ABCG1: variants seen among roughly 807,000 people sequenced by gnomAD.
ABCG1 encodes ATP binding cassette subfamily G member 1.
Under a neutral mutation model 69.2 loss-of-function variants are expected in ABCG1, and 29 were observed. The ratio of observed to expected loss-of-function variants is 0.42; its 90% CI spans 0.31 to 0.57. ABCG1 has a LOEUF of 0.57. Among genes scored for constraint, ABCG1 ranks in the 20% least tolerant of loss-of-function variants. The pLI, the probability that ABCG1 is intolerant of heterozygous loss-of-function variation, is 0.15. For missense variants in ABCG1, 718 were observed against 898.1 expected (o/e 0.80, Z 2.56); for synonymous variants, 370 against 374.8 (o/e 0.99, Z 0.15).
chr21:42,279,794 C>T lies in ABCG1; in HGVS notation c.589-2480C>T, dbSNP rs146208225. 2.7e-3 allele frequency among the ~76,000 whole-genome samples: 408 copies of T among 152,288 alleles called. 4 individuals carry two copies. Among genetic ancestry groups the T allele is most frequent in the African/African-American group, 9.3e-3 (386 of 41,554 alleles). ...ACAGCAAGCCAGGCCCTTGGCCTGC[C>T]GGAGCTGGAAGACCCAGAACAAGCT... On this transcript the variant is annotated intron_variant, in intron 5 of 14. Transcript: ENST00000398449.
At chr21:42,243,976 G>A (rs1476737936) in intron 2 of ABCG1, among the ~76,000 whole-genome samples, 1 of 151,726 alleles carries the variant, frequency 6.6e-6, no homozygotes, top group Non-Finnish European at 1.5e-5. Flanking sequence ...CCGCCACCAC[G>A]CCCGGCTAAT....
chr21:42,241,888 G>A (rs1276157515), intron 2 of ABCG1, among the ~76,000 whole-genome samples: 1 of 148,694 alleles, frequency 6.7e-6, no homozygotes, highest in Non-Finnish European at 1.5e-5. Flanking sequence ...TGAGGTGGGA[G>A]GATCACTTGA....
intron 1 of ABCG1, chr21:42,199,946 TA>T (rs2067493568): frequency 1.3e-5 from 2 of 152,244 alleles, no homozygotes; most frequent in Admixed American, 6.5e-5. Context: ...AAGAAAAATG[TA>T]AGCCACATCT....
chr21:42,295,333 T>TAAA lies in ABCG1; in HGVS notation c.1772+715_1772+717dup, dbSNP rs60677287. 8.5e-4 allele frequency: 50 copies of TAAA among 59,016 alleles called. 4 individuals are homozygous for TAAA. The highest frequency in any genetic ancestry group is 1.2e-3 in the Non-Finnish European group (38 of 31,444). The allele number at this position is 59,016 out of a possible 1,614,324, so 3.7% of individuals were successfully genotyped here. A position where few individuals can be genotyped will look rare whatever the true frequency, so the allele number is the denominator to read the frequency against. Reference sequence around the variant, plus strand: ...GTGACAGAGTGAGACTCCGTCTCAATAAAAAAAAAAAAAAAAAAAAAAAAA... The same window carrying TAAA: ...GTGACAGAGTGAGACTCCGTCTCAATAAAAAAAAAAAAAAAAAAAAAAAAAAAA... On this transcript the variant is annotated intron_variant, in intron 14 of 14. Coordinates refer to ENST00000398449, the MANE Select transcript of ABCG1 (RefSeq NM_016818.3).
At chr21:42,290,848 A>C (rs1202920489) in intron 11 of ABCG1, among the ~76,000 whole-genome samples, 1 of 152,208 alleles carries the variant, frequency 6.6e-6, no homozygotes, top group Non-Finnish European at 1.5e-5. Flanking sequence ...TTCATCACTA[A>C]GATGATGCTT....
At chr21:42,259,558 T>C (rs2068369505) in intron 2 of ABCG1, 3 of 1,504,504 alleles carry the variant, frequency 2.0e-6, no homozygotes, top group East Asian at 2.5e-5. Context: ...CCTCAGGCTA[T>C]GGAGGCAAAT....
chr21:42,269,488 T>C (rs374463698), intron 2 of ABCG1, among the ~76,000 whole-genome samples: 2 of 152,188 alleles, frequency 1.3e-5, no homozygotes, highest in Non-Finnish European at 2.9e-5. Flanking sequence ...ACAGTCCTAT[T>C]GTACGAGCTG....
chr21:42,245,960 G>A (rs4148118), intron 2 of ABCG1, among the ~76,000 whole-genome samples: 39,764 of 151,860 alleles, frequency 0.26, 5,946 homozygotes, highest in Admixed American at 0.34. Context: ...CTTCTTCCTC[G>A]GAATGGCCTG....
At position 42,273,515 on chromosome 21, in the gene ABCG1, T is replaced by G; in HGVS notation, c.537+80T>G. ...CACATTAGACACAGCACTGGCCGAG[T>G]GCCCAGCTGCGAGGGACCCAAGGGC... On this transcript the variant is annotated intron_variant, in intron 4 of 14. Transcript: ENST00000398449. This position sits in a 1 kb window ranked among gnomAD's most constrained non-coding sequence, Gnocchi z 5.3. 2.7e-6 allele frequency: 4 copies of G among 1,504,002 alleles called. No individual in the cohort carries two copies. Among genetic ancestry groups the G allele is most frequent in the South Asian group, 1.3e-5 (1 of 78,956 alleles). The allele number at this position is 1,504,002 out of a possible 1,614,324, so 93.2% of individuals were successfully genotyped here.
At chr21:42,293,621 C>CACACCACACTACACAG (rs776358892) in intron 13 of ABCG1, among the ~76,000 whole-genome samples, 1 of 146,196 alleles carries the variant, frequency 6.8e-6, no homozygotes, top group African/African-American at 2.5e-5. Flanking sequence ...ACACTACACA[C>CACACCACACTACACAG]TACACACCAC....
At chr21:42,277,821 A>C (rs527385153) in intron 5 of ABCG1, among the ~76,000 whole-genome samples, 68 of 152,362 alleles carry the variant, frequency 4.5e-4, no homozygotes, top group Non-Finnish European at 7.2e-4. Context: ...ACAGAGTCAA[A>C]CATACTGAGG....
intron 3 of ABCG1, among the ~76,000 whole-genome samples, chr21:42,272,818 C>T (rs545373173): frequency 2.6e-5 from 4 of 152,338 alleles, no homozygotes; most frequent in East Asian, 1.9e-4. Context: ...TGAGCTGGTC[C>T]GGGCCCCAGG....
chr21:42,261,627 T>C (rs1354499853), intron 2 of ABCG1, among the ~76,000 whole-genome samples: 1 of 152,122 alleles, frequency 6.6e-6, no homozygotes, highest in Non-Finnish European at 1.5e-5. Context: ...ATTGCCTCGC[T>C]CTGGCTTGGA....
chr21:42,212,779 C>T (rs540224809), upstream of ABCG1, among the ~76,000 whole-genome samples: 5 of 151,644 alleles, frequency 3.3e-5, no homozygotes, highest in South Asian at 2.1e-4. Flanking sequence ...CTGCAAGCTC[C>T]GCTTCCCGGG....
upstream of ABCG1, among the ~76,000 whole-genome samples, chr21:42,215,925 G>T (rs1263931981): frequency 6.6e-6 from 1 of 152,168 alleles, no homozygotes; most frequent in African/African-American, 2.4e-5. Flanking sequence ...GATATAGTTT[G>T]GCTGTGTCCC....
chr21:42,293,730 A>G (rs1444914538), intron 13 of ABCG1, among the ~76,000 whole-genome samples: 1 of 148,958 alleles, frequency 6.7e-6, no homozygotes, highest in Non-Finnish European at 1.5e-5. Flanking sequence ...CACTACACAC[A>G]AATACTACAT....
At chr21:42,236,082 C>T (rs966935185) in intron 2 of ABCG1, among the ~76,000 whole-genome samples, 9 of 152,272 alleles carry the variant, frequency 5.9e-5, no homozygotes, top group Non-Finnish European at 7.4e-5. Context: ...TGGGGTTGAT[C>T]CAAGCATGTC....
At chr21:42,205,018 G>A (rs1199777468) in intron 2 of ABCG1, among the ~76,000 whole-genome samples, 1 of 135,252 alleles carries the variant, frequency 7.4e-6, no homozygotes, top group African/African-American at 2.7e-5. Flanking sequence ...TGTTTTTGTT[G>A]TTTTTTTTTT....
At chr21:42,206,375 T>C (rs994341876) in intron 2 of ABCG1, among the ~76,000 whole-genome samples, 124 of 147,446 alleles carry the variant, frequency 8.4e-4, no homozygotes, top group African/African-American at 2.7e-3. Context: ...AATAAATAAA[T>C]AAATAAATAA....
Sources: allele counts gnomAD v4.1 joint callset (sites outside exome capture counted in the v4.1 genomes callset), GRCh38; gene constraint gnomAD v4.1.1; non-coding constraint Gnocchi (gnomAD v3.1); transcripts MANE v1.5; gene names NCBI Gene and HGNC (gene_info 2026-07-23, HGNC 2026-07-21).